DCTN6: variants seen among roughly 807,000 people sequenced by gnomAD.
DCTN6 encodes dynactin 6.
Under a neutral mutation model 25.8 loss-of-function variants are expected in DCTN6, and 15 were observed. The observed-to-expected ratio is 0.58, with a 90% confidence interval of 0.39 to 0.89. The LOEUF (loss-of-function observed/expected upper bound fraction) is 0.89. DCTN6 is among the 40% of genes least tolerant of loss of function. The pLI is 0.00. For missense variants in DCTN6, 198 were observed against 237.6 expected (o/e 0.83, Z 1.09); for synonymous variants, 64 against 78.3 (o/e 0.82, Z 0.96).
chr8:30,180,033 T>C (rs1803891766), intron 5 of DCTN6, among the ~76,000 whole-genome samples: 2 of 152,248 alleles, frequency 1.3e-5, no homozygotes, highest in Non-Finnish European at 2.9e-5. Context: ...TGCTTCTTTT[T>C]AAAATAATAA....
At chr8:30,158,186 T>C (rs1365169930) in intron 1 of DCTN6, among the ~76,000 whole-genome samples, 1 of 152,176 alleles carries the variant, frequency 6.6e-6, no homozygotes, top group African/African-American at 2.4e-5. Flanking sequence ...CAGGGGGCAT[T>C]TGTGAGTCTC....
Position 30,158,659 on chromosome 8 carries a change from C to T in DCTN6, c.23+2253C>T, listed in dbSNP as rs1803556888. ...TTACTAAAATCTTTCTTCTTCAATACAGCAGGAGGGCTACATATTTTCTGT... is the reference window on the plus strand; with the variant it reads ...TTACTAAAATCTTTCTTCTTCAATATAGCAGGAGGGCTACATATTTTCTGT... On this transcript the variant is annotated intron_variant, in intron 1 of 6. Coordinates refer to ENST00000221114, the MANE Select transcript of DCTN6 (RefSeq NM_006571.4). 3.4e-5 allele frequency among the ~76,000 whole-genome samples: 5 copies of T among 147,286 alleles called. No homozygotes were observed. In the South Asian group the frequency reaches 1.1e-3, roughly 31 times the overall value.
At chr8:30,180,014 G>A (rs1028510635) in intron 5 of DCTN6, among the ~76,000 whole-genome samples, 1 of 152,168 alleles carries the variant, frequency 6.6e-6, no homozygotes, top group Non-Finnish European at 1.5e-5. Flanking sequence ...TGAGTGGCAC[G>A]AAAGAAAATG....
chr8:30,177,217 A>G lies in DCTN6; in HGVS notation c.283+3A>G. On this transcript the variant is annotated splice_donor_region_variant and intron_variant, in intron 4 of 6. Coordinates refer to ENST00000221114, the MANE Select transcript of DCTN6 (RefSeq NM_006571.4). ...TAATGTGTTTGAAGTTGGCTGTTGT[A>G]TCCTTTACAATAATCTACCATAAAT... is the stretch of plus-strand genomic sequence containing the variant. 1 of 1,609,138 alleles carries G rather than the reference A, an allele frequency of 6.2e-7. No homozygotes were observed. The highest frequency in any genetic ancestry group is 8.5e-7 in the Non-Finnish European group (1 of 1,176,298).
At position 30,156,374 on chromosome 8, in the gene DCTN6, G is replaced by C; in HGVS notation, c.-10G>C. The C allele has an allele frequency of 6.2e-7, 1 of 1,605,372 alleles. No homozygotes were observed. The highest frequency in any genetic ancestry group is 8.5e-7 in the Non-Finnish European group (1 of 1,176,064). On this transcript the variant is annotated 5_prime_UTR_variant, in exon 1 of 7. Coordinates refer to ENST00000221114, the MANE Select transcript of DCTN6 (RefSeq NM_006571.4). ...GTGGTGTCGATCTACGTTCCAATTG[G>C]GGCCGTACCATGGCGGAGAAGACTC... is the stretch of plus-strand genomic sequence containing the variant.
chr8:30,179,775 G>C (rs1458790118), intron 5 of DCTN6, among the ~76,000 whole-genome samples: 1 of 152,002 alleles, frequency 6.6e-6, no homozygotes, highest in Non-Finnish European at 1.5e-5. Context: ...AGAATTAAAG[G>C]GGGGGAAAAA....
At chr8:30,178,505 A>T (rs2117598443) in intron 4 of DCTN6, among the ~76,000 whole-genome samples, 1 of 151,040 alleles carries the variant, frequency 6.6e-6, no homozygotes, top group South Asian at 2.1e-4. Context: ...GTAAAATCTT[A>T]TGGTGTCAGC....
intron 2 of DCTN6, among the ~76,000 whole-genome samples, chr8:30,169,751 A>G (rs562912491): frequency 6.6e-6 from 1 of 152,200 alleles, no homozygotes; most frequent in Admixed American, 6.5e-5. Context: ...GCCACGTTTC[A>G]GTGTGCTGTT....
chr8:30,164,945 A>G lies in DCTN6; in HGVS notation c.88+770A>G, dbSNP rs148373352. Among the ~76,000 whole-genome samples the G allele has an allele frequency of 3.1e-3, 472 of 152,270 alleles. 4 individuals carry two copies. Among genetic ancestry groups the G allele is most frequent in the African/African-American group, 0.01 (436 of 41,560 alleles). ...TGTGTCTCATGGCTAAGACAATCTC[A>G]TGGACACATCAAGCTGCAAGGGAGT... is the stretch of plus-strand genomic sequence containing the variant. On this transcript the variant is annotated intron_variant, in intron 2 of 6. Transcript: ENST00000221114.
At chr8:30,182,418 A>G (rs984602153) in intron 6 of DCTN6, among the ~76,000 whole-genome samples, 3 of 152,174 alleles carry the variant, frequency 2.0e-5, no homozygotes, top group Admixed American at 6.6e-5. Context: ...GGTCACGTGG[A>G]AAACAAAATA....
chr8:30,162,727 G>C (rs1485930247), intron 1 of DCTN6, among the ~76,000 whole-genome samples: 1 of 152,102 alleles, frequency 6.6e-6, no homozygotes, highest in East Asian at 1.9e-4. Flanking sequence ...GAAATTATTA[G>C]AGTCTTTTGA....
In DCTN6 at chr8:30,183,327, G is replaced by T; in HGVS notation, c.*154G>T. On this transcript the variant is annotated 3_prime_UTR_variant, in exon 7 of 7. Coordinates refer to ENST00000221114, the MANE Select transcript of DCTN6 (RefSeq NM_006571.4). Reference sequence around the variant, plus strand: ...GAGAGGAAACTAATGGAGTTTCATTGTAACTGTCCTTTGTAATTTATATAA... The same window carrying T: ...GAGAGGAAACTAATGGAGTTTCATTTTAACTGTCCTTTGTAATTTATATAA... The T allele has an allele frequency of 2.1e-6, 1 of 485,494 alleles. No individual in the cohort carries two copies. Among genetic ancestry groups the T allele is most frequent in the South Asian group, 4.0e-5 (1 of 25,060 alleles). The allele number at this position is 485,494 out of a possible 1,614,324, so 30.1% of individuals were successfully genotyped here.
chr8:30,172,553 C>T (rs1034410958), intron 2 of DCTN6, among the ~76,000 whole-genome samples: 7 of 151,866 alleles, frequency 4.6e-5, no homozygotes, highest in Non-Finnish European at 1.0e-4. Flanking sequence ...CAGGTTCAAG[C>T]GATCCTCCCA....
intron 1 of DCTN6, among the ~76,000 whole-genome samples, chr8:30,157,735 A>C (rs910782245): frequency 6.6e-6 from 1 of 152,146 alleles, no homozygotes; most frequent in African/African-American, 2.4e-5. Flanking sequence ...ACAAGTGCAT[A>C]AGTAAAGCCA....
intron 2 of DCTN6, among the ~76,000 whole-genome samples, chr8:30,168,191 A>G (rs1332585755): frequency 1.3e-5 from 2 of 152,224 alleles, no homozygotes; most frequent in Non-Finnish European, 2.9e-5. Context: ...AGAGTTATAT[A>G]GTTACCCATG....
intron 4 of DCTN6, among the ~76,000 whole-genome samples, chr8:30,179,043 A>T (rs1349683731): frequency 6.6e-6 from 1 of 152,242 alleles, no homozygotes; most frequent in Non-Finnish European, 1.5e-5. Flanking sequence ...ATTCCCACTT[A>T]TATACAGGAA....
At chr8:30,182,985 A>T in intron 6 of DCTN6, 90 bp from the exon 7 acceptor site, 1 of 1,045,350 alleles carries the variant, frequency 9.6e-7, no homozygotes, top group Non-Finnish European at 1.5e-6. Flanking sequence ...AAGTGCTGAG[A>T]TTACAGGCAT....
intron 2 of DCTN6, 22 bp from the exon 3 acceptor site, chr8:30,175,063 C>T (rs765380098): frequency 6.2e-7 from 1 of 1,609,010 alleles, no homozygotes; most frequent in African/African-American, 1.3e-5. Flanking sequence ...CCAATAATTT[C>T]TTCTCAAACT....
intron 1 of DCTN6, among the ~76,000 whole-genome samples, chr8:30,163,115 T>TA (rs1803618399): frequency 6.6e-6 from 1 of 151,910 alleles, no homozygotes; most frequent in African/African-American, 2.4e-5. Context: ...CTCACCAACC[T>TA]GAAAAAACCC....
Sources: allele counts gnomAD v4.1 joint callset (sites outside exome capture counted in the v4.1 genomes callset), GRCh38; gene constraint gnomAD v4.1.1; transcripts MANE v1.5; gene names NCBI Gene and HGNC (gene_info 2026-07-23, HGNC 2026-07-21).